AFF3: variants seen among roughly 807,000 people sequenced by gnomAD.
The protein encoded by AFF3 is ALF transcription elongation factor 3, also known as AF4/FMR2 family member 3.
In AFF3, 32 loss-of-function variants were observed where a neutral mutation model predicts 129.7. The observed-to-expected ratio is 0.25, with a 90% CI of 0.19 to 0.33. The LOEUF (loss-of-function observed/expected upper bound fraction) is 0.33. AFF3 is among the 10% of genes least tolerant of loss of function. The pLI, the probability that AFF3 is intolerant of heterozygous loss-of-function variation, is 1.00. For missense variants in AFF3, 1,373 were observed against 1,592.0 expected (o/e 0.86, Z 2.34); for synonymous variants, 644 against 635.4 (o/e 1.01, Z -0.20).
At position 99,952,957 on chromosome 2, in the gene AFF3, C is replaced by T. The variant is rs78617591; in HGVS notation, c.873+53675G>A. Among the ~76,000 whole-genome samples the T allele has an allele frequency of 7.1e-3, 1,080 of 152,276 alleles. 3 individuals are homozygous for T. Among genetic ancestry groups the T allele is most frequent in the South Asian group, 0.017 (83 of 4,816 alleles). On this transcript the variant is annotated intron_variant, in intron 7 of 24. Coordinates refer to ENST00000672756, the MANE Select transcript of AFF3 (RefSeq NM_001386135.1). ...GGTAATTACAGTGCTGTACTTACTC[C>T]GCTGAGTAAGAGGATTTAAGTGATA... is the stretch of plus-strand genomic sequence containing the variant.
intron 11 of AFF3, among the ~76,000 whole-genome samples, chr2:99,725,391 TCA>T (rs1260065443): frequency 1.3e-5 from 2 of 152,202 alleles, no homozygotes; most frequent in Non-Finnish European, 2.9e-5. Flanking sequence ...TCTTACTTTG[TCA>T]CCCAGGCTGG....
intron 11 of AFF3, among the ~76,000 whole-genome samples, chr2:99,679,530 G>T (rs991623519): frequency 6.6e-6 from 1 of 152,138 alleles, no homozygotes; most frequent in African/African-American, 2.4e-5. Flanking sequence ...TGAGATGCTG[G>T]ATGATGTGTG....
intron 7 of AFF3, among the ~76,000 whole-genome samples, chr2:99,923,150 C>T (rs892857252): frequency 6.6e-6 from 1 of 152,192 alleles, no homozygotes. Flanking sequence ...ACAGGAAGCA[C>T]AGCAGTACTG....
intron 7 of AFF3, among the ~76,000 whole-genome samples, chr2:99,988,220 T>C (rs1373468871): frequency 6.6e-6 from 1 of 152,096 alleles, no homozygotes; most frequent in Non-Finnish European, 1.5e-5. Context: ...AGCAACTCAT[T>C]CCATGAGGAG....
At chr2:99,933,184 T>C (rs1214490922) in intron 7 of AFF3, among the ~76,000 whole-genome samples, 2 of 152,180 alleles carry the variant, frequency 1.3e-5, no homozygotes, top group Non-Finnish European at 2.9e-5. Context: ...TCTCTGTCTT[T>C]GAATTCTATG....
At chr2:99,661,868 G>A (rs907964642) in intron 12 of AFF3, among the ~76,000 whole-genome samples, 7 of 152,132 alleles carry the variant, frequency 4.6e-5, no homozygotes, top group Admixed American at 6.5e-5. Context: ...GGCCAGGCTC[G>A]CTGGCTTATG....
In AFF3 at chr2:99,886,419, AT is replaced by A. The variant is rs11464583; in HGVS notation, c.874-48896del. 4.1e-3 allele frequency among the ~76,000 whole-genome samples: 615 copies of A among 148,790 alleles called. 1 individual carries two copies. The highest frequency in any genetic ancestry group is 0.013 in the African/African-American group (530 of 40,622). ...CAACATACTCACTCGAGTCATTACA[AT>A]TTTTTTTTTTTCAGGAATAAAGGAG... On this transcript the variant is annotated intron_variant, in intron 7 of 24. Transcript: ENST00000672756.
intron 4 of AFF3, among the ~76,000 whole-genome samples, chr2:100,061,837 A>C (rs1232276440): frequency 7.1e-6 from 1 of 140,926 alleles, no homozygotes; most frequent in Non-Finnish European, 1.5e-5. Flanking sequence ...CCATCACCAA[A>C]GAGATGGGTA....
intron 11 of AFF3, among the ~76,000 whole-genome samples, chr2:99,705,249 G>C (rs1677245388): frequency 6.6e-6 from 1 of 152,178 alleles, no homozygotes; most frequent in South Asian, 2.1e-4. Context: ...AGAAATTAAA[G>C]GATGGGAAAG....
Position 99,866,994 on chromosome 2 carries a change from TAATAATAAAA to T in AFF3, c.874-29480_874-29471del, listed in dbSNP as rs1171627346. Among the ~76,000 whole-genome samples, 537 of 110,204 alleles carry T rather than the reference TAATAATAAAA, an allele frequency of 4.9e-3. 3 individuals are homozygous for T. The highest frequency in any genetic ancestry group is 0.015 in the Middle Eastern group (3 of 198). The allele number at this position is 110,204 out of a possible 152,430, so 72.3% of individuals were successfully genotyped here. A position where few individuals can be genotyped will look rare whatever the true frequency, so the allele number is the denominator to read the frequency against. On this transcript the variant is annotated intron_variant, in intron 7 of 24. Transcript: ENST00000672756. ...ATAATAATAATAATAATAATAATAA[TAATAATAAAA>T]AATAAATAAAATAAAAATAAAAAAT...
intron 7 of AFF3, among the ~76,000 whole-genome samples, chr2:99,926,966 C>T (rs749452343): frequency 1.3e-5 from 2 of 152,184 alleles, no homozygotes; most frequent in Non-Finnish European, 2.9e-5. Flanking sequence ...CAATCCTGGT[C>T]TACTTCTACT....
intron 7 of AFF3, among the ~76,000 whole-genome samples, chr2:99,903,926 T>G (rs1035812819): frequency 2.0e-5 from 3 of 152,194 alleles, no homozygotes; most frequent in Non-Finnish European, 1.5e-5. Flanking sequence ...AGACAGCCCT[T>G]TTCTAAATGA....
chr2:99,660,987 A>G (rs2104308477), intron 12 of AFF3, among the ~76,000 whole-genome samples: 1 of 152,344 alleles, frequency 6.6e-6, no homozygotes, highest in African/African-American at 2.4e-5. Context: ...AAGAAAAACA[A>G]AAACTCAACT....
chr2:100,062,171 T>G (rs987552018), intron 4 of AFF3, among the ~76,000 whole-genome samples: 1 of 152,024 alleles, frequency 6.6e-6, no homozygotes, highest in East Asian at 1.9e-4. Context: ...ATGAGGCAGA[T>G]CTCATAAAAT....
intron 7 of AFF3, among the ~76,000 whole-genome samples, chr2:99,966,020 G>A (rs1485011367): frequency 6.6e-6 from 1 of 152,008 alleles, no homozygotes; most frequent in Non-Finnish European, 1.5e-5. Flanking sequence ...TTACTTTAAA[G>A]CACTACGAAA....
rs188162817 is a variant in AFF3 at position 99,720,194 on chromosome 2, A to C, written c.1091+6883T>G. Among the ~76,000 whole-genome samples, 8 of 152,224 alleles carry C rather than the reference A, an allele frequency of 5.3e-5. No homozygotes were observed. In the East Asian group the frequency reaches 9.7e-4, roughly 18 times the overall value. ...TGGATATGGTTTGTCTGTCTCCATC[A>C]AATCTCATGTTGGAATTTGATCCCC... is the stretch of plus-strand genomic sequence containing the variant. On this transcript the variant is annotated intron_variant, in intron 11 of 24. Coordinates refer to ENST00000672756, the MANE Select transcript of AFF3 (RefSeq NM_001386135.1).
chr2:100,020,872 C>G (rs115520711), intron 4 of AFF3, among the ~76,000 whole-genome samples: 2,592 of 152,308 alleles, frequency 0.017, 77 homozygotes, highest in African/African-American at 0.06. Context: ...CCCAATCGTT[C>G]CTCCCCCGTC....
intron 7 of AFF3, among the ~76,000 whole-genome samples, chr2:99,912,713 A>G (rs1489554930): frequency 6.6e-6 from 1 of 152,264 alleles, no homozygotes; most frequent in Admixed American, 6.5e-5. Context: ...AATGGATAAC[A>G]TAGGGAAACA....
chr2:99,999,460 T>C (rs974360919), intron 7 of AFF3, among the ~76,000 whole-genome samples: 2 of 152,170 alleles, frequency 1.3e-5, no homozygotes, highest in African/African-American at 4.8e-5. Context: ...TTAGAGATGC[T>C]TCAGTAAGCA....
Sources: gnomAD v4.1 joint callset for allele counts (sites outside exome capture counted in the v4.1 genomes callset) on GRCh38, gnomAD v4.1.1 for gene constraint, MANE v1.5 for transcripts, NCBI Gene and HGNC (gene_info 2026-07-23, HGNC 2026-07-21) for gene names.